The following ZMAT3 variants were observed in gnomAD, a reference collection of about 807,000 sequenced individuals.
The protein encoded by ZMAT3 is zinc finger matrin-type 3.
Under a neutral mutation model 32.3 loss-of-function variants are expected in ZMAT3, and 17 were observed. The observed-to-expected ratio is 0.53, with a 90% confidence interval of 0.36 to 0.79. The LOEUF (loss-of-function observed/expected upper bound fraction) is 0.79, where lower values mean the gene tolerates loss of function less well. ZMAT3 is among the 30% of genes least tolerant of loss of function. The probability of loss-of-function intolerance (pLI) is 0.00; values close to 1 mark genes in which losing one functional copy is unlikely to be tolerated. For missense variants in ZMAT3, 329 were observed against 359.7 expected (o/e 0.91, Z 0.69); for synonymous variants, 120 against 133.1 (o/e 0.90, Z 0.68).
At chr3:179,067,877 T>A in intron 1 of ZMAT3, 68 bp from the exon 2 acceptor site, 1 of 1,382,376 alleles carries the variant, frequency 7.2e-7, no homozygotes, top group Non-Finnish European at 9.7e-7. Context: ...AGATAACATG[T>A]AAATGACAAC....
rs1718554677 is a variant in ZMAT3, at chr3:179,021,774, A to G, written c.*3243T>C. 1 of 152,228 alleles carries G rather than the reference A, an allele frequency of 6.6e-6. No homozygotes were observed. Among genetic ancestry groups the G allele is most frequent in the African/African-American group, 2.4e-5 (1 of 41,466 alleles). The allele number at this position is 152,228 out of a possible 1,614,324, so 9.4% of individuals were successfully genotyped here. A position where few individuals can be genotyped will look rare whatever the true frequency, so the allele number is the denominator to read the frequency against. On this transcript the variant is annotated 3_prime_UTR_variant, in exon 6 of 6. Transcript: ENST00000311417. ...AAAAACACTGTTTATGGAATACATG[A>G]ATATGAGAAATTGTACCATGCAGAG... is the stretch of plus-strand genomic sequence containing the variant.
Position 179,025,232 on chromosome 3 carries a change from A to C in ZMAT3, c.659-4T>G, listed in dbSNP as rs1390820247. On this transcript the variant is annotated splice_polypyrimidine_tract_variant and splice_region_variant and intron_variant, in intron 5 of 5. Coordinates refer to ENST00000311417, the MANE Select transcript of ZMAT3 (RefSeq NM_022470.4). ...CGGGGATTGAAGTAAGGACCTGCTA[A>C]AGCAAGAGATAAAAATAATATATTC... is the stretch of plus-strand genomic sequence containing the variant. 2 of 1,604,074 alleles carry C rather than the reference A, an allele frequency of 1.2e-6. No homozygotes were observed. Among genetic ancestry groups the C allele is most frequent in the Admixed American group, 1.7e-5 (1 of 59,078 alleles).
Position 179,067,713 on chromosome 3 carries a change from G to A in ZMAT3, c.40C>T (p.Gln14Ter), listed in dbSNP as rs752935353. The A allele has an allele frequency of 2.5e-6, 4 of 1,614,030 alleles. No individual in the cohort carries two copies. Among genetic ancestry groups the A allele is most frequent in the Non-Finnish European group, 1.7e-6 (2 of 1,180,038 alleles). The stretch of plus-strand genomic sequence containing the variant: ...GACATAGGAGGCGAGGGTGAGGGCT[G>A]CTTAGGTGGAGGAAGCACGGCGTGT... Reference protein sequence around the residue: ...LQHAVLPPPKQPSPSPPMSVA... With the variant: ...LQHAVLPPPK Residue 14 changes from glutamine (Q) to a stop codon, truncating the protein, a stop_gained, in exon 2 of 6, where the codon CAG becomes TAG. Coordinates refer to ENST00000311417, the MANE Select transcript of ZMAT3 (RefSeq NM_022470.4). LOFTEE classifies it high-confidence loss of function.
At chr3:179,036,050 A>C (rs186467156) in intron 2 of ZMAT3, among the ~76,000 whole-genome samples, 1 of 152,318 alleles carries the variant, frequency 6.6e-6, no homozygotes, top group Non-Finnish European at 1.5e-5. Flanking sequence ...GCTCATTCTT[A>C]ATGCCTTTGC....
chr3:179,029,016 T>C (rs1462296628), intron 3 of ZMAT3, among the ~76,000 whole-genome samples: 2 of 151,824 alleles, frequency 1.3e-5, no homozygotes, highest in Non-Finnish European at 2.9e-5. Context: ...AAAAATTAGC[T>C]GGGCATGGTG....
rs1718571230 is a variant in ZMAT3 at position 179,022,007 on chromosome 3, C to A, written c.*3010G>T. ...TTCCCAGAGTTTGGAATTTAAGGAG[C>A]AAACTGAGTTATTGTAGGCAATACG... On this transcript the variant is annotated 3_prime_UTR_variant, in exon 6 of 6. Transcript: ENST00000311417. 6.6e-6 allele frequency: 1 copy of A among 152,128 alleles called. No homozygotes were observed. Among genetic ancestry groups the A allele is most frequent in the African/African-American group, 2.4e-5 (1 of 41,416 alleles). The allele number at this position is 152,128 out of a possible 1,614,324, so 9.4% of individuals were successfully genotyped here.
In ZMAT3 at chr3:179,067,574, T is replaced by C; in HGVS notation, c.179A>G (p.Asp60Gly). Residue 60 changes from aspartate to glycine, a missense_variant, in exon 2 of 6, where the codon GAC (aspartate) becomes GGC (glycine). Transcript: ENST00000311417. ...EEELSKGGEQ[D>G]CALEELCKPL... ...CTTACATAGCTCCTCCAGGGCACAG[T>C]CTTGCTCCCCTCCCTTCGATAACTC... The C allele has an allele frequency of 6.2e-7, 1 of 1,614,192 alleles. No individual in the cohort carries two copies. The highest frequency in any genetic ancestry group is 8.5e-7 in the Non-Finnish European group (1 of 1,180,038).
intron 1 of ZMAT3, among the ~76,000 whole-genome samples, chr3:179,068,560 A>C (rs1368537868): frequency 3.3e-5 from 5 of 152,298 alleles, no homozygotes; most frequent in African/African-American, 1.2e-4. Context: ...CATATCTTCC[A>C]ACCAACCAAT....
intron 2 of ZMAT3, among the ~76,000 whole-genome samples, chr3:179,054,804 G>A (rs1291016105): frequency 6.6e-6 from 1 of 152,226 alleles, no homozygotes; most frequent in Non-Finnish European, 1.5e-5. Context: ...CTGTGCTCCT[G>A]ATCCAGCGAG....
chr3:179,071,362 A>C (rs1721702079), intron 1 of ZMAT3: 1 of 152,290 alleles, frequency 6.6e-6, no homozygotes, highest in Non-Finnish European at 1.5e-5. Flanking sequence ...GAAGGATGGA[A>C]TCCCCCGACT....
Position 179,022,450 on chromosome 3 carries a change from C to T in ZMAT3, c.*2567G>A, listed in dbSNP as rs1024704703. ...GTGTGTGGGGGTATGCATACACACA[C>T]ATCTACCTATGGAGGAAAAAAACTA... On this transcript the variant is annotated 3_prime_UTR_variant, in exon 6 of 6. Transcript: ENST00000311417. 6.6e-6 allele frequency: 1 copy of T among 151,944 alleles called. No individual in the cohort carries two copies. The highest frequency in any genetic ancestry group is 6.6e-5 in the Admixed American group (1 of 15,262). 9.4% of individuals were successfully genotyped at this position (151,944 alleles called of 1,614,324 possible). A position where few individuals can be genotyped will look rare whatever the true frequency, so the allele number is the denominator to read the frequency against.
chr3:179,068,542 T>C (rs1332898674), intron 1 of ZMAT3, among the ~76,000 whole-genome samples: 1 of 151,922 alleles, frequency 6.6e-6, no homozygotes, highest in Non-Finnish European at 1.5e-5. Flanking sequence ...GCTAAAAATC[T>C]TAGCAAACAT....
intron 2 of ZMAT3, among the ~76,000 whole-genome samples, chr3:179,052,937 G>C (rs1329990852): frequency 6.6e-6 from 1 of 152,024 alleles, no homozygotes; most frequent in African/African-American, 2.4e-5. Flanking sequence ...AGATCAGCCT[G>C]GCCAACATGG....
intron 2 of ZMAT3, among the ~76,000 whole-genome samples, chr3:179,051,996 T>A (rs1020550536): frequency 2.0e-5 from 3 of 152,104 alleles, no homozygotes; most frequent in African/African-American, 7.2e-5. Context: ...CGAAACTGGA[T>A]CCTCATCTCT....
At chr3:179,067,846 C>G in intron 1 of ZMAT3, 37 bp from the exon 2 acceptor site, 2 of 1,526,902 alleles carry the variant, frequency 1.3e-6, no homozygotes, top group Non-Finnish European at 1.8e-6. Context: ...AAAAAACTCA[C>G]TTGAAAATCA....
rs1267368837 is a variant in ZMAT3 at position 179,064,760 on chromosome 3, CTTTT to C, written c.270+2719_270+2722del. Among the ~76,000 whole-genome samples the C allele has an allele frequency of 5.3e-5, 8 of 152,272 alleles. No individual in the cohort carries two copies. In the East Asian group the frequency reaches 1.5e-3, roughly 29 times the overall value. On this transcript the variant is annotated intron_variant, in intron 2 of 5. Coordinates refer to ENST00000311417, the MANE Select transcript of ZMAT3 (RefSeq NM_022470.4). ...CTTAGCCTTGTCTTCAGTAATCTTT[CTTTT>C]ATTACTGCTTATTCATGTACACCCT...
intron 2 of ZMAT3, among the ~76,000 whole-genome samples, chr3:179,042,073 T>C (rs1719968072): frequency 6.6e-6 from 1 of 152,202 alleles, no homozygotes; most frequent in South Asian, 2.1e-4. Flanking sequence ...TAACAGGCTC[T>C]GAAATTGAGG....
chr3:179,044,617 C>A (rs944413199), intron 2 of ZMAT3, among the ~76,000 whole-genome samples: 3 of 152,082 alleles, frequency 2.0e-5, no homozygotes, highest in Non-Finnish European at 4.4e-5. Context: ...ACACTCCCGC[C>A]TGGACGACAG....
At chr3:179,058,682 G>A (rs1720985479) in intron 2 of ZMAT3, among the ~76,000 whole-genome samples, 2 of 151,108 alleles carry the variant, frequency 1.3e-5, no homozygotes, top group Admixed American at 6.6e-5. Context: ...CATGAACCCG[G>A]GAGGCGGAGC....
Sources: gnomAD v4.1 joint callset for allele counts (sites outside exome capture counted in the v4.1 genomes callset) on GRCh38, gnomAD v4.1.1 for gene constraint, MANE v1.5 for transcripts, NCBI Gene and HGNC (gene_info 2026-07-23, HGNC 2026-07-21) for gene names.